FREM1: variants seen among roughly 807,000 people sequenced by gnomAD.
FREM1 encodes the protein FRAS1 related extracellular matrix 1.
In FREM1, 220 loss-of-function variants were observed where a neutral mutation model predicts 210.1. The ratio of observed to expected loss-of-function variants is 1.05; its 90% confidence interval spans 0.94 to 1.17. The LOEUF is 1.17. FREM1 is among the 50% of genes most tolerant of loss of function. The pLI, the probability that FREM1 is intolerant of heterozygous loss-of-function variation, is 0.00. For missense variants in FREM1, 3,454 were observed against 2,675.5 expected, an observed-to-expected ratio of 1.29 and a Z score of -6.42; for synonymous variants, 1,189 against 980.2, an observed-to-expected ratio of 1.21 and a Z score of -3.98.
At position 14,810,940 on chromosome 9, in the gene FREM1, T is replaced by C. The variant is rs544169157; in HGVS notation, c.2893+1872A>G. 7.9e-5 allele frequency among the ~76,000 whole-genome samples: 12 copies of C among 152,324 alleles called. No individual in the cohort carries two copies. In the East Asian group the frequency reaches 1.7e-3, roughly 22 times the overall value. ...TGAGTGTGTATTATTTTTATACTTA[T>C]AGAAAGCAAATAAAGTAATGCTAAT... On this transcript the variant is annotated intron_variant, in intron 16 of 36. Coordinates refer to ENST00000380880, the MANE Select transcript of FREM1 (RefSeq NM_001379081.2).
chr9:14,878,682 C>A (rs10810281), intron 1 of FREM1, among the ~76,000 whole-genome samples: 3 of 152,112 alleles, frequency 2.0e-5, no homozygotes, highest in African/African-American at 4.8e-5. Context: ...ATGTCCCTCA[C>A]GAAGATGTTA....
chr9:14,857,881 T>G, intron 4 of FREM1, 132 bp from the exon 5 acceptor site: 4 of 535,680 alleles, frequency 7.5e-6, no homozygotes, highest in Non-Finnish European at 1.2e-5. Context: ...CTTCCAATCA[T>G]TCACTGAGTG....
intron 35 of FREM1, among the ~76,000 whole-genome samples, chr9:14,743,865 C>A (rs1023590737): frequency 1.3e-5 from 2 of 152,016 alleles, no homozygotes; most frequent in Middle Eastern, 3.2e-3. Context: ...AACATCAAAG[C>A]CCTTTCCTCA....
chr9:14,861,327 A>G (rs1456231134), intron 3 of FREM1, among the ~76,000 whole-genome samples: 1 of 127,828 alleles, frequency 7.8e-6, no homozygotes, highest in Non-Finnish European at 1.6e-5. Flanking sequence ...ATACACATAT[A>G]TACATATATA....
chr9:14,767,166 G>A (rs148631068), intron 27 of FREM1, among the ~76,000 whole-genome samples: 2 of 152,138 alleles, frequency 1.3e-5, no homozygotes, highest in African/African-American at 2.4e-5. Context: ...CTAGCTCCAA[G>A]TTCGGTGGTT....
At chr9:14,774,410 T>TA (rs529792397) in intron 25 of FREM1, among the ~76,000 whole-genome samples, 35 of 152,172 alleles carry the variant, frequency 2.3e-4, no homozygotes, top group South Asian at 6.2e-4. Flanking sequence ...ATTGCAACGT[T>TA]AACTCCTGCT....
Position 14,764,826 on chromosome 9 carries a change from G to A in FREM1, c.5204+4898C>T, listed in dbSNP as rs10961695. ...ACTTGATTCATTTATGATGAAACAA[G>A]AAGCTGAAAGAAATACCTGGAGTTA... On this transcript the variant is annotated intron_variant, in intron 27 of 36. Transcript: ENST00000380880. Among the ~76,000 whole-genome samples the A allele has an allele frequency of 2.0e-4, 30 of 152,294 alleles. No individual in the cohort carries two copies. In the South Asian group the frequency reaches 2.3e-3, roughly 12 times the overall value.
At chr9:14,908,042 C>T (rs1427776456) in intron 1 of FREM1, among the ~76,000 whole-genome samples, 1 of 152,132 alleles carries the variant, frequency 6.6e-6, no homozygotes. Flanking sequence ...TGGCATGTAG[C>T]AGGTGCACCT....
At chr9:14,743,022 G>C (rs909680396) in intron 35 of FREM1, among the ~76,000 whole-genome samples, 1 of 152,070 alleles carries the variant, frequency 6.6e-6, no homozygotes, top group African/African-American at 2.4e-5. Context: ...GATAAGAGAA[G>C]TGATGGAAGG....
At chr9:14,784,881 T>C (rs998937486) in intron 23 of FREM1, among the ~76,000 whole-genome samples, 1 of 152,196 alleles carries the variant, frequency 6.6e-6, no homozygotes, top group Non-Finnish European at 1.5e-5. Context: ...ATTATGGAAA[T>C]ACAAATATCA....
At chr9:14,876,845 T>C (rs1016225375) in intron 1 of FREM1, among the ~76,000 whole-genome samples, 2 of 152,158 alleles carry the variant, frequency 1.3e-5, no homozygotes, top group African/African-American at 4.8e-5. Context: ...AATATGGTTG[T>C]TGAACTTTGA....
At chr9:14,831,972 T>G (rs1483347539) in intron 10 of FREM1, among the ~76,000 whole-genome samples, 1 of 152,182 alleles carries the variant, frequency 6.6e-6, no homozygotes. Flanking sequence ...CCATCCTGGA[T>G]CACATACCGA....
chr9:14,867,016 C>T (rs548530043), intron 2 of FREM1, among the ~76,000 whole-genome samples: 66 of 152,096 alleles, frequency 4.3e-4, no homozygotes, highest in African/African-American at 1.5e-3. Flanking sequence ...TGTGCCACTA[C>T]GCCTGGCTAA....
At chr9:14,861,308 TATACATATATACAC>T (rs1398261649) in intron 3 of FREM1, among the ~76,000 whole-genome samples, 2,782 of 115,138 alleles carry the variant, frequency 0.024, 304 homozygotes, top group African/African-American at 0.11. Flanking sequence ...TATACACATA[TATACATATATACAC>T]ATATATACAT....
At position 14,869,234 on chromosome 9, in the gene FREM1, C is replaced by T. The variant is rs1476945795; in HGVS notation, c.-257G>A. 2.5e-5 allele frequency: 10 copies of T among 392,312 alleles called. No individual in the cohort carries two copies. 24.3% of individuals were successfully genotyped at this position (392,312 alleles called of 1,614,324 possible). A position where few individuals can be genotyped will look rare whatever the true frequency, so the allele number is the denominator to read the frequency against. ...GCAAGATTAATGGGCTTCCCAAGTG[C>T]TTTTCTAATCCTGCAAATGGGAGAA... On this transcript the variant is annotated 5_prime_UTR_variant, in exon 2 of 37. Transcript: ENST00000380880.
intron 30 of FREM1, among the ~76,000 whole-genome samples, chr9:14,749,766 T>G (rs1024676809): frequency 3.9e-5 from 6 of 152,212 alleles, no homozygotes; most frequent in Non-Finnish European, 2.9e-5. Flanking sequence ...GGCTCAGATT[T>G]TAGGCATTAA....
intron 1 of FREM1, among the ~76,000 whole-genome samples, chr9:14,890,857 C>A (rs909921346): frequency 1.3e-5 from 2 of 152,160 alleles, no homozygotes; most frequent in Non-Finnish European, 2.9e-5. Flanking sequence ...GCCTCTTAAA[C>A]CATCAAAAAC....
intron 3 of FREM1, among the ~76,000 whole-genome samples, chr9:14,860,904 C>CATAT (rs1419382535): frequency 4.0e-5 from 3 of 74,200 alleles, no homozygotes; most frequent in Non-Finnish European, 6.6e-5. Context: ...CATATATACA[C>CATAT]ATATACACAT....
In FREM1 at chr9:14,886,257, C is replaced by T. The variant is rs79836561; in HGVS notation, c.-267-17013G>A. Among the ~76,000 whole-genome samples, 214 of 152,010 alleles carry T rather than the reference C, an allele frequency of 1.4e-3. 1 individual carries two copies. Among genetic ancestry groups the T allele is most frequent in the African/African-American group, 4.9e-3 (203 of 41,468 alleles). ...AAAATGAATTGGGCATGATGGCACA[C>T]GCCTGTAAATCCCAGCTACTCGGGA... On this transcript the variant is annotated intron_variant, in intron 1 of 36. Transcript: ENST00000380880.
Sources: gnomAD v4.1 joint callset for allele counts (sites outside exome capture counted in the v4.1 genomes callset) on GRCh38, gnomAD v4.1.1 for gene constraint, MANE v1.5 for transcripts, NCBI Gene and HGNC (gene_info 2026-07-23, HGNC 2026-07-21) for gene names.